Variants in VGLL4 observed in about 807,000 individuals in gnomAD.
VGLL4 encodes the protein vestigial like family member 4, also known as transcription cofactor vestigial-like protein 4.
Under a neutral mutation model 21.0 loss-of-function variants are expected in VGLL4, and 7 were observed. The observed-to-expected ratio is 0.33, with a 90% CI of 0.19 to 0.63. The LOEUF is 0.63. Among genes scored for constraint, VGLL4 ranks in the 20% least tolerant of loss-of-function variants. The pLI is 0.78. For missense variants in VGLL4, 394 were observed against 425.7 expected (o/e 0.93, Z 0.66); for synonymous variants, 222 against 173.2 (o/e 1.28, Z -2.21).
chr3:11,705,462 G>T (rs1176915600), intron 1 of VGLL4, among the ~76,000 whole-genome samples: 1 of 152,226 alleles, frequency 6.6e-6, no homozygotes, highest in African/African-American at 2.4e-5. Context: ...TTTCAGAGAG[G>T]ATGGGTAAAA....
chr3:11,601,754 G>T, intron 2 of VGLL4, 79 bp downstream of exon 2: 1 of 1,474,530 alleles, frequency 6.8e-7, no homozygotes, highest in South Asian at 1.2e-5. Flanking sequence ...GATAACATCA[G>T]AATTAGCACA....
intron 2 of VGLL4, among the ~76,000 whole-genome samples, chr3:11,581,724 C>G (rs1373202825): frequency 6.6e-6 from 1 of 152,224 alleles, no homozygotes; most frequent in African/African-American, 2.4e-5. Context: ...TAGCTGAGGT[C>G]AAACCCTCCA....
At chr3:11,677,392 C>T (rs1396129744) in intron 2 of VGLL4, among the ~76,000 whole-genome samples, 1 of 152,048 alleles carries the variant, frequency 6.6e-6, no homozygotes, top group African/African-American at 2.4e-5. Context: ...ACTTCAGCCT[C>T]CTGAGTAGAT....
chr3:11,647,015 G>A (rs76231649), upstream of VGLL4, among the ~76,000 whole-genome samples: 4,050 of 152,220 alleles, frequency 0.027, 164 homozygotes, highest in African/African-American at 0.09. Flanking sequence ...TGTAGTTTTC[G>A]TATTTCTAGT....
At position 11,626,404 on chromosome 3, in the gene VGLL4, T is replaced by G. The variant is rs188848974; in HGVS notation, c.82+17033A>C. The G allele has an allele frequency of 7.0e-5, 32 of 456,880 alleles. No homozygotes were observed. In the Admixed American group the frequency reaches 7.5e-4, roughly 11 times the overall value. 28.3% of individuals were successfully genotyped at this position (456,880 alleles called of 1,614,324 possible). On this transcript the variant is annotated intron_variant, in intron 1 of 4. Coordinates refer to ENST00000430365, the MANE Select transcript of VGLL4 (RefSeq NM_001128219.3). ...AAGTGCCACTCTTTTCTTCAAGTCT[T>G]TCATTCTCCTCTTATTACTTCAAAG...
intron 2 of VGLL4, among the ~76,000 whole-genome samples, chr3:11,697,920 C>T (rs1405896845): frequency 2.0e-5 from 3 of 152,224 alleles, no homozygotes; most frequent in Admixed American, 6.5e-5. Flanking sequence ...TGCCACATCA[C>T]TCACACCAGC....
In VGLL4 at chr3:11,565,642, G is replaced by A. The variant is rs542355585; in HGVS notation, c.273-623C>T. The stretch of plus-strand genomic sequence containing the variant: ...GGTTCCCGGGGTGCTGTAGGGAGCC[G>A]GCGCGCAGCTCTCTCGTCCAGGACA... On this transcript the variant is annotated intron_variant, in intron 2 of 4. Coordinates refer to ENST00000430365, the MANE Select transcript of VGLL4 (RefSeq NM_001128219.3). The surrounding 1 kb of genome is among the most constrained non-coding windows in gnomAD (Gnocchi z 4.1). Among the ~76,000 whole-genome samples the A allele has an allele frequency of 6.6e-5, 10 of 152,280 alleles. No homozygotes were observed. Among genetic ancestry groups the A allele is most frequent in the African/African-American group, 2.2e-4 (9 of 41,566 alleles).
rs59999510 is a variant in VGLL4, at chr3:11,665,101, CTTTTTT to C, written c.64+37864_64+37869del. Among the ~76,000 whole-genome samples, 48 of 96,966 alleles carry C rather than the reference CTTTTTT, an allele frequency of 5.0e-4. 1 individual carries two copies. The highest frequency in any genetic ancestry group is 2.1e-3 in the African/African-American group (44 of 20,506). 63.6% of individuals were successfully genotyped at this position (96,966 alleles called of 152,430 possible). On this transcript the variant is annotated intron_variant, in intron 2 of 5. Transcript: ENST00000273038. ...AAATGAAAGCAATTTGAATATTTTT[CTTTTTT>C]TTTTTTTTTTTTTTTTTTTTTTTTG...
intron 1 of VGLL4, chr3:11,604,644 A>G: frequency 1.5e-6 from 1 of 672,580 alleles, no homozygotes; most frequent in Non-Finnish European, 1.8e-6. Context: ...TGCAATCTTG[A>G]CTCCTCCTTT....
At chr3:11,641,666 G>T (rs771687682) in intron 1 of VGLL4, among the ~76,000 whole-genome samples, 97 of 152,154 alleles carry the variant, frequency 6.4e-4, no homozygotes, top group Non-Finnish European at 3.1e-4. Flanking sequence ...AAGGAAAATA[G>T]GAGCAGATGT....
At chr3:11,574,131 G>A (rs1305350472) in intron 2 of VGLL4, among the ~76,000 whole-genome samples, 5 of 152,122 alleles carry the variant, frequency 3.3e-5, no homozygotes, top group East Asian at 3.8e-4. Context: ...GAGACAATAC[G>A]TTTTTCTTAC....
At chr3:11,709,931 C>T (rs1014517607) in intron 1 of VGLL4, among the ~76,000 whole-genome samples, 9 of 152,192 alleles carry the variant, frequency 5.9e-5, no homozygotes, top group Non-Finnish European at 1.2e-4. Flanking sequence ...GTTTAACTGG[C>T]TCACAGTAGA....
At chr3:11,620,212 C>G (rs1161573852) in intron 1 of VGLL4, among the ~76,000 whole-genome samples, 4 of 152,124 alleles carry the variant, frequency 2.6e-5, no homozygotes, top group Non-Finnish European at 4.4e-5. Context: ...AGCAACTTGC[C>G]CAAGGTCACA....
rs1246264224 is a variant in VGLL4 at position 11,719,130 on chromosome 3, C to T, written c.-14+1264G>A. Among the ~76,000 whole-genome samples the T allele has an allele frequency of 6.6e-6, 1 of 152,192 alleles. No homozygotes were observed. Among genetic ancestry groups the T allele is most frequent in the Non-Finnish European group, 1.5e-5 (1 of 68,022 alleles). ...GAAGCACAGGAAGAGTACGGTGCCC[C>T]TTCCCGCAGTCCACATCACAGCCCT... is the stretch of plus-strand genomic sequence containing the variant. On this transcript the variant is annotated intron_variant, in intron 1 of 5. Coordinates refer to the VGLL4 transcript ENST00000273038. This position sits in a 1 kb window ranked among gnomAD's most constrained non-coding sequence, Gnocchi z 4.0.
rs539032705 is a variant in VGLL4 at position 11,719,098 on chromosome 3, C to T, written c.-14+1296G>A. ...GAGTGTGCAGTCCTGTTTTGGGGAC[C>T]GGGCAGGAAGCACAGGAAGAGTACG... On this transcript the variant is annotated intron_variant, in intron 1 of 5. Transcript: ENST00000273038. This position sits in a 1 kb window ranked among gnomAD's most constrained non-coding sequence, Gnocchi z 4.0. 4.2e-3 allele frequency among the ~76,000 whole-genome samples: 635 copies of T among 152,282 alleles called. 10 individuals carry two copies. Among genetic ancestry groups the T allele is most frequent in the Non-Finnish European group, 4.6e-3 (312 of 68,010 alleles).
chr3:11,600,709 G>A lies in VGLL4; in HGVS notation c.272+1124C>T, dbSNP rs149272887. Among the ~76,000 whole-genome samples, 372 of 152,278 alleles carry A rather than the reference G, an allele frequency of 2.4e-3. 3 individuals are homozygous for A. Among genetic ancestry groups the A allele is most frequent in the African/African-American group, 8.4e-3 (350 of 41,556 alleles). ...ACGCTGGAGCTGAGGCAGTAGAGGC[G>A]GGAGCTGGGCCACCTCTCTGCGGAA... On this transcript the variant is annotated intron_variant, in intron 2 of 4. Transcript: ENST00000430365.
At chr3:11,582,777 CAGAGA>C (rs2125228124) in intron 2 of VGLL4, among the ~76,000 whole-genome samples, 1 of 152,336 alleles carries the variant, frequency 6.6e-6, no homozygotes, top group African/African-American at 2.4e-5. Context: ...GCCGGCCCCT[CAGAGA>C]AGGAATGCCA....
rs2072386959 is a variant in VGLL4, at chr3:11,556,185, T to C, written c.*2371A>G. ...AAAACAGGCCACAGAGAATGGTATA[T>C]TACAGATTTACACACATGAAGAGAA... On this transcript the variant is annotated 3_prime_UTR_variant, in exon 5 of 5. Coordinates refer to ENST00000430365, the MANE Select transcript of VGLL4 (RefSeq NM_001128219.3). The C allele has an allele frequency of 6.6e-6, 1 of 152,590 alleles. No homozygotes were observed. Among genetic ancestry groups the C allele is most frequent in the African/African-American group, 2.4e-5 (1 of 41,408 alleles). 9.5% of individuals were successfully genotyped at this position (152,590 alleles called of 1,614,324 possible). A position where few individuals can be genotyped will look rare whatever the true frequency, so the allele number is the denominator to read the frequency against.
At chr3:11,676,682 TA>T (rs2076296971) in intron 2 of VGLL4, among the ~76,000 whole-genome samples, 1 of 151,892 alleles carries the variant, frequency 6.6e-6, no homozygotes, top group Non-Finnish European at 1.5e-5. Context: ...CATATAAATA[TA>T]AAAAACATCT....
Sources: allele counts gnomAD v4.1 joint callset (sites outside exome capture counted in the v4.1 genomes callset), GRCh38; gene constraint gnomAD v4.1.1; non-coding constraint Gnocchi (gnomAD v3.1); transcripts MANE v1.5; gene names NCBI Gene and HGNC (gene_info 2026-07-23, HGNC 2026-07-21).